DSG4: variants seen among roughly 807,000 people sequenced by gnomAD.
DSG4 encodes the protein desmoglein-4.
DSG4 carries 87 observed loss-of-function variants against 93.1 expected under a neutral mutation model. The ratio of observed to expected loss-of-function variants is 0.93; its 90% CI spans 0.79 to 1.12. DSG4 has a LOEUF of 1.12. Among genes scored for constraint, DSG4 ranks in the 50% most tolerant of loss-of-function variants. DSG4 has a pLI of 0.00. For synonymous variants in DSG4, 432 were observed against 452.9 expected (o/e 0.95, Z 0.59); for missense variants, 1,373 against 1,285.7 (o/e 1.07, Z -1.04).
At chr18:31,408,088 T>C (rs1226294317) in intron 12 of DSG4, among the ~76,000 whole-genome samples, 1 of 152,176 alleles carries the variant, frequency 6.6e-6, no homozygotes, top group Non-Finnish European at 1.5e-5. Flanking sequence ...AATACCCCTA[T>C]GGACACTTGT....
At chr18:31,389,196 G>T (rs2072223051) in intron 5 of DSG4, among the ~76,000 whole-genome samples, 178 bp downstream of exon 5, 1 of 152,150 alleles carries the variant, frequency 6.6e-6, no homozygotes, top group African/African-American at 2.4e-5. Flanking sequence ...TGTCTAAAAT[G>T]ATAAAATAAA....
intron 13 of DSG4, 57 bp downstream of exon 13, chr18:31,409,648 T>C: frequency 6.2e-7 from 1 of 1,614,174 alleles, no homozygotes; most frequent in Non-Finnish European, 8.5e-7. Context: ...ATTGAGCATG[T>C]CTTAACAATT....
At chr18:31,412,636 T>A (rs760808534) in intron 15 of DSG4, among the ~76,000 whole-genome samples, 192 bp from the exon 16 acceptor site, 3 of 152,210 alleles carry the variant, frequency 2.0e-5, no homozygotes, top group Non-Finnish European at 4.4e-5. Flanking sequence ...AACTATATCT[T>A]AAAATTGGTA....
At chr18:31,387,715 T>TA (rs144050233) in intron 3 of DSG4, among the ~76,000 whole-genome samples, 2 of 152,112 alleles carry the variant, frequency 1.3e-5, no homozygotes, top group Non-Finnish European at 2.9e-5. Context: ...AATGTGTGGG[T>TA]AAAAAATCTT....
chr18:31,387,634 T>C (rs1218785882), intron 3 of DSG4, among the ~76,000 whole-genome samples: 1 of 152,168 alleles, frequency 6.6e-6, no homozygotes, highest in Non-Finnish European at 1.5e-5. Context: ...TTTTCTTCTA[T>C]GTAAAAAGGG....
At position 31,406,362 on chromosome 18, in the gene DSG4, T is replaced by C. The variant is rs2072426952; in HGVS notation, c.1922T>C (p.Leu641Pro). 1 of 1,614,106 alleles carries C rather than the reference T, an allele frequency of 6.2e-7. No homozygotes were observed. Among genetic ancestry groups the C allele is most frequent in the African/African-American group, 1.3e-5 (1 of 74,940 alleles). ...AGIGMMVLGI[L>P]LLILAPLLLL... ...ATTGGCATGATGGTTCTGGGCATCCTGCTACTGATTTGTAAGTACTCAATT... is the reference window on the plus strand; with the variant it reads ...ATTGGCATGATGGTTCTGGGCATCCCGCTACTGATTTGTAAGTACTCAATT... Residue 641 changes from leucine (L) to proline (P), a missense_variant, in exon 12 of 16, where the codon CTG becomes CCG. Coordinates refer to ENST00000308128, the MANE Select transcript of DSG4 (RefSeq NM_177986.5).
Position 31,391,122 on chromosome 18 carries a change from T to C in DSG4, c.729T>C (p.Asp243=), listed in dbSNP as rs1288086330. The change falls in exon 7 of 16, where the codon GAT becomes GAC. Residue 243 remains aspartate, a synonymous_variant. Transcript: ENST00000308128. The stretch of plus-strand genomic sequence containing the variant: ...TGGTTGTGAGAGGCTCAGATCGGGA[T>C]GGAGCTGCAGATGGACTGTCTTCTG... ...YNLVVRGSDR[D]GAADGLSSEC... 2 of 1,613,818 alleles carry C rather than the reference T, an allele frequency of 1.2e-6. No homozygotes were observed. The highest frequency in any genetic ancestry group is 2.2e-5 in the South Asian group (2 of 91,070).
intron 4 of DSG4, 26 bp from the exon 5 acceptor site, chr18:31,388,848 G>C (rs755185752): frequency 6.2e-6 from 10 of 1,613,042 alleles, no homozygotes; most frequent in Non-Finnish European, 8.5e-6. Context: ...GGTGGAAAAA[G>C]ATGGCTTTTT....
rs187350564 is a variant in DSG4 at position 31,394,809 on chromosome 18, T to C, written c.1005+2469T>C. 1.7e-3 allele frequency among the ~76,000 whole-genome samples: 253 copies of C among 152,254 alleles called. 3 individuals are homozygous for C. Among genetic ancestry groups the C allele is most frequent in the Middle Eastern group, 0.01 (3 of 294 alleles). ...TTTAGTCAAGTTTTTCTTCCAGGGATCAGAATTTGTTAAACCTTGCATCCT... is the reference window on the plus strand; with the variant it reads ...TTTAGTCAAGTTTTTCTTCCAGGGACCAGAATTTGTTAAACCTTGCATCCT... On this transcript the variant is annotated intron_variant, in intron 8 of 15. Transcript: ENST00000308128.
chr18:31,413,697 A>C lies in DSG4; in HGVS notation c.*102A>C. On this transcript the variant is annotated 3_prime_UTR_variant, in exon 16 of 16. Transcript: ENST00000308128. Reference sequence around the variant, plus strand: ...TACCATATATATTAATAGTCAACAAATACTCAGATATTCTAAGGTCAATGC... The same window carrying C: ...TACCATATATATTAATAGTCAACAACTACTCAGATATTCTAAGGTCAATGC... 7.0e-7 allele frequency: 1 copy of C among 1,421,898 alleles called. No individual in the cohort carries two copies. The highest frequency in any genetic ancestry group is 9.7e-7 in the Non-Finnish European group (1 of 1,032,114). 88.1% of individuals were successfully genotyped at this position (1,421,898 alleles called of 1,614,324 possible).
intron 2 of DSG4, among the ~76,000 whole-genome samples, chr18:31,386,424 G>A (rs1397772163): frequency 2.6e-5 from 4 of 152,082 alleles, no homozygotes; most frequent in Non-Finnish European, 5.9e-5. Context: ...ATACAGTATG[G>A]CACATCATGA....
At position 31,414,233 on chromosome 18, in the gene DSG4, T is replaced by C. The variant is rs748416337; in HGVS notation, c.*638T>C. 6 of 152,260 alleles carry C rather than the reference T, an allele frequency of 3.9e-5. No homozygotes were observed. Among genetic ancestry groups the C allele is most frequent in the South Asian group, 2.1e-4 (1 of 4,822 alleles). The allele number at this position is 152,260 out of a possible 1,614,324, so 9.4% of individuals were successfully genotyped here. ...ATGGTTCATCAAAGAAAAATATATA[T>C]TTTTATTGAACTTTATTGATTTATA... On this transcript the variant is annotated 3_prime_UTR_variant, in exon 16 of 16. Coordinates refer to ENST00000308128, the MANE Select transcript of DSG4 (RefSeq NM_177986.5).
At chr18:31,379,128 G>A (rs2072107722) in intron 1 of DSG4, among the ~76,000 whole-genome samples, 1 of 152,186 alleles carries the variant, frequency 6.6e-6, no homozygotes, top group Admixed American at 6.6e-5. Flanking sequence ...TCCTAAGGAT[G>A]CTTATCATGT....
chr18:31,391,146 T>C lies in DSG4; in HGVS notation c.753T>C (p.Ser251=), dbSNP rs755456442. 1.2e-6 allele frequency: 2 copies of C among 1,613,852 alleles called. No homozygotes were observed. Among genetic ancestry groups the C allele is most frequent in the Non-Finnish European group, 1.7e-6 (2 of 1,179,784 alleles). The change falls in exon 7 of 16, where the codon TCT becomes TCC. Residue 251 remains serine, a synonymous_variant. Transcript: ENST00000308128. ...ATGGAGCTGCAGATGGACTGTCTTC[T>C]GAGTGTGACTGTAGAATCAAGGTTT... ...DRDGAADGLS[S]ECDCRIKVLD...
chr18:31,377,060 C>A, intron 1 of DSG4, 101 bp downstream of exon 1: 1 of 1,280,766 alleles, frequency 7.8e-7, no homozygotes, highest in Non-Finnish European at 1.1e-6. Flanking sequence ...TTTTTAATCT[C>A]CTTCCTGCAA....
intron 4 of DSG4, 96 bp downstream of exon 4, chr18:31,388,618 C>A: frequency 1.3e-6 from 2 of 1,516,462 alleles, no homozygotes; most frequent in East Asian, 4.7e-5. Flanking sequence ...TTTGATAAAA[C>A]ATGGCAGACT....
In DSG4 at chr18:31,390,999, G is replaced by C. The variant is rs956051550; in HGVS notation, c.685-79G>C. The C allele has an allele frequency of 4.4e-6, 7 of 1,577,178 alleles. No homozygotes were observed. The African/African-American group carries it at 8.1e-5, about 18-fold the overall frequency. On this transcript the variant is annotated intron_variant, in intron 6 of 15. Transcript: ENST00000308128. ...CATTGGATATGTAAATAAAAGAGTA[G>C]AGAAATAATGGCATTGAATGCATTG...
intron 9 of DSG4, among the ~76,000 whole-genome samples, chr18:31,400,599 A>C (rs1434384529): frequency 1.3e-5 from 2 of 152,142 alleles, no homozygotes; most frequent in Non-Finnish European, 2.9e-5. Context: ...CATTGCTATG[A>C]TTTAATAAAT....
At chr18:31,379,551 A>T (rs1274680252) in intron 1 of DSG4, among the ~76,000 whole-genome samples, 1 of 152,192 alleles carries the variant, frequency 6.6e-6, no homozygotes, top group Non-Finnish European at 1.5e-5. Flanking sequence ...CATAAAAGAC[A>T]ACCATTTATC....
Sources: gnomAD v4.1 joint callset for allele counts (sites outside exome capture counted in the v4.1 genomes callset) on GRCh38, gnomAD v4.1.1 for gene constraint, MANE v1.5 for transcripts, NCBI Gene and HGNC (gene_info 2026-07-23, HGNC 2026-07-21) for gene names.